Variants in FASTKD5 observed in about 807,000 individuals in gnomAD.
FASTKD5 encodes the protein non-canonical pre-mRNAs endonuclease FASTKD5, mitochondrial.
In FASTKD5, 30 loss-of-function variants were observed where a neutral mutation model predicts 44.0. The ratio of observed to expected loss-of-function variants is 0.68; its 90% CI spans 0.51 to 0.93. FASTKD5 has a LOEUF of 0.93. Among genes scored for constraint, FASTKD5 ranks in the 40% least tolerant of loss-of-function variants. FASTKD5 has a pLI of 0.00. For synonymous variants in FASTKD5, 335 were observed against 342.2 expected, an observed-to-expected ratio of 0.98 and a Z score of 0.23; for missense variants, 868 against 908.2, an observed-to-expected ratio of 0.96 and a Z score of 0.57.
Position 3,146,994 on chromosome 20 carries a change from G to C in FASTKD5, c.2077C>G (p.Pro693Ala), listed in dbSNP as rs1180936488. The change falls in exon 2 of 2, where the codon CCA becomes GCA. Residue 693 changes from proline (P) to alanine (A), a missense_variant. Pro to Ala is a conservative substitution (Grantham distance 27). Transcript: ENST00000380266. ...AACTGAACAGCCAGCTTCATTCTTG[G>C]GGTCTGCATGCAGGCTGCGGGGCAC... is the stretch of plus-strand genomic sequence containing the variant. Reference protein sequence around the residue: ...GLCPAACMQTPRMKLAVQFTN... With the variant: ...GLCPAACMQTARMKLAVQFTN... 1.9e-5 allele frequency: 31 copies of C among 1,614,010 alleles called. No individual in the cohort carries two copies. The highest frequency in any genetic ancestry group is 2.5e-5 in the Non-Finnish European group (29 of 1,180,050).
intron 1 of FASTKD5, among the ~76,000 whole-genome samples, chr20:3,151,118 G>A (rs1005605535): frequency 3.9e-5 from 6 of 151,968 alleles, no homozygotes; most frequent in Admixed American, 3.3e-4. Context: ...GCCAAGGCTG[G>A]TCTCAAACTC....
In FASTKD5 at chr20:3,149,783, C is replaced by T. The variant is rs1275956842; in HGVS notation, c.-190-523G>A. ...CTGTAATGCCAGCACTTTGGGAGGC[C>T]GAGGCAGGCAGATCACTTGAGGTCA... On this transcript the variant is annotated intron_variant, in intron 1 of 1. Transcript: ENST00000380266. The surrounding 1 kb of genome is among the most constrained non-coding windows in gnomAD (Gnocchi z 4.1). 1.3e-5 allele frequency among the ~76,000 whole-genome samples: 2 copies of T among 151,962 alleles called. No individual in the cohort carries two copies. The highest frequency in any genetic ancestry group is 2.9e-5 in the Non-Finnish European group (2 of 67,996).
intron 1 of FASTKD5, among the ~76,000 whole-genome samples, chr20:3,154,792 A>G (rs990474315): frequency 6.6e-6 from 1 of 152,194 alleles, no homozygotes; most frequent in Non-Finnish European, 1.5e-5. Flanking sequence ...TAGCCTAACC[A>G]AAAATTATGA....
At position 3,147,935 on chromosome 20, in the gene FASTKD5, T is replaced by C. The variant is rs1206049231; in HGVS notation, c.1136A>G (p.Glu379Gly). 1.2e-6 allele frequency: 2 copies of C among 1,614,212 alleles called. No homozygotes were observed. Among genetic ancestry groups the C allele is most frequent in the Non-Finnish European group, 1.7e-6 (2 of 1,180,036 alleles). The change falls in exon 2 of 2, where the codon GAG becomes GGG. Residue 379 changes from glutamate to glycine, a missense_variant. Coordinates refer to ENST00000380266, the MANE Select transcript of FASTKD5 (RefSeq NM_021826.5). ...GGAAGGAATTCGCTGAGGAGCTATCTCTCCAATCTGCTTCATGAAATTGAT... is the reference window on the plus strand; with the variant it reads ...GGAAGGAATTCGCTGAGGAGCTATCCCTCCAATCTGCTTCATGAAATTGAT... ...DHINFMKQIGEIAPQRIPSLG... is the reference protein window; with the variant it reads ...DHINFMKQIGGIAPQRIPSLG...
In FASTKD5 at chr20:3,147,813, G is replaced by A. The variant is rs755941835; in HGVS notation, c.1258C>T (p.Pro420Ser). ...TTACTTCGACAGTGTGCCACTCTAG[G>A]AGGCAAAGACGCAGCCACTGCATTC... The part of the protein sequence containing the change: ...VMNAVAASLP[P>S]RVAHCRSKDV... Residue 420 changes from proline to serine, a missense_variant, in exon 2 of 2, where the codon CCT (proline) becomes TCT (serine). By Grantham distance (74) the Pro-to-Ser change is moderately conservative (BLOSUM62 -1). Coordinates refer to ENST00000380266, the MANE Select transcript of FASTKD5 (RefSeq NM_021826.5). 5.0e-6 allele frequency: 8 copies of A among 1,614,168 alleles called. No individual in the cohort carries two copies. Among genetic ancestry groups the A allele is most frequent in the East Asian group, 2.2e-5 (1 of 44,886 alleles).
chr20:3,150,374 T>C (rs1221154611), intron 1 of FASTKD5, among the ~76,000 whole-genome samples: 1 of 152,204 alleles, frequency 6.6e-6, no homozygotes, highest in Admixed American at 6.5e-5. Flanking sequence ...CGCTGACATC[T>C]TCTGGAGAAG....
At position 3,159,860 on chromosome 20, in the gene FASTKD5, C is replaced by G. The variant is rs1051832549; in HGVS notation, c.-285G>C. The G allele has an allele frequency of 2.6e-5, 4 of 152,344 alleles. No homozygotes were observed. Among genetic ancestry groups the G allele is most frequent in the Non-Finnish European group, 5.9e-5 (4 of 68,106 alleles). The allele number at this position is 152,344 out of a possible 1,614,324, so 9.4% of individuals were successfully genotyped here. Reference sequence around the variant, plus strand: ...TGGCTCCTCCGGCGACTCCGAGCCTCACAGCCCCACTTCCGGCCAACTGCC... The same window carrying G: ...TGGCTCCTCCGGCGACTCCGAGCCTGACAGCCCCACTTCCGGCCAACTGCC... On this transcript the variant is annotated 5_prime_UTR_variant, in exon 1 of 2. Transcript: ENST00000380266.
Position 3,146,954 on chromosome 20 carries a change from T to A in FASTKD5, c.2117A>T (p.Gln706Leu), listed in dbSNP as rs773773137. 2 of 1,614,218 alleles carry A rather than the reference T, an allele frequency of 1.2e-6. No individual in the cohort carries two copies. The highest frequency in any genetic ancestry group is 2.2e-5 in the South Asian group (2 of 91,084). Reference sequence around the variant, plus strand: ...GAGATCCCTGGAGCCATAGCAATACTGGTTCCTGTTTGTGAACTGAACAGC... The same window carrying A: ...GAGATCCCTGGAGCCATAGCAATACAGGTTCCTGTTTGTGAACTGAACAGC... ...KLAVQFTNRNQYCYGSRDLLG... is the reference protein window; with the variant it reads ...KLAVQFTNRNLYCYGSRDLLG... Residue 706 changes from glutamine to leucine, a missense_variant, in exon 2 of 2, where the codon CAG becomes CTG. Gln to Leu is a moderately radical substitution (Grantham distance 113). Coordinates refer to ENST00000380266, the MANE Select transcript of FASTKD5 (RefSeq NM_021826.5).
At chr20:3,158,537 G>C (rs886983147) in intron 1 of FASTKD5, among the ~76,000 whole-genome samples, 3 of 152,052 alleles carry the variant, frequency 2.0e-5, no homozygotes, top group South Asian at 2.1e-4. Context: ...GCAGTGGCGC[G>C]ATCTCGGCTC....
intron 1 of FASTKD5, among the ~76,000 whole-genome samples, chr20:3,152,136 A>G (rs1190701891): frequency 6.6e-6 from 1 of 150,440 alleles, no homozygotes; most frequent in African/African-American, 2.5e-5. Context: ...CCAAAAAAAC[A>G]GAGATAGCAG....
At position 3,148,235 on chromosome 20, in the gene FASTKD5, G is replaced by T; in HGVS notation, c.836C>A (p.Ser279Tyr). Residue 279 changes from serine (S) to tyrosine (Y), a missense_variant, in exon 2 of 2, where the codon TCT becomes TAT. Transcript: ENST00000380266. The stretch of plus-strand genomic sequence containing the variant: ...AACATAAATTAAGTGAACTAGCTGA[G>T]ACAAGGATAGATCCTTCCAGTGCAA... Reference protein sequence around the residue: ...LNLHWKDLSLSQLVHLIYVIG... With the variant: ...LNLHWKDLSLYQLVHLIYVIG... 1 of 1,613,910 alleles carries T rather than the reference G, an allele frequency of 6.2e-7. No individual in the cohort carries two copies. Among genetic ancestry groups the T allele is most frequent in the South Asian group, 1.1e-5 (1 of 91,054 alleles).
chr20:3,147,302 A>T lies in FASTKD5; in HGVS notation c.1769T>A (p.Leu590Ter), dbSNP rs1157026683. The T allele has an allele frequency of 6.2e-7, 1 of 1,614,220 alleles. No individual in the cohort carries two copies. Among genetic ancestry groups the T allele is most frequent in the East Asian group, 2.2e-5 (1 of 44,892 alleles). Residue 590 changes from leucine (L) to a stop codon, truncating the protein, a stop_gained, in exon 2 of 2, where the codon TTA becomes TAA. Coordinates refer to ENST00000380266, the MANE Select transcript of FASTKD5 (RefSeq NM_021826.5). LOFTEE classifies it low-confidence loss of function (END_TRUNC). ...CAGGTTAACATCAAGCTGGACCTCT[A>T]AGTCAGAAGATCGGGTATGAGGCAA... ...MILPHTRSSD[L>*]EVQLDVNLKP...
intron 1 of FASTKD5, among the ~76,000 whole-genome samples, chr20:3,154,582 T>C (rs1291641422): frequency 6.6e-6 from 1 of 151,688 alleles, no homozygotes; most frequent in Non-Finnish European, 1.5e-5. Context: ...ACTCAGGAGG[T>C]AGAAGTGGGA....
chr20:3,149,626 A>G lies in FASTKD5; in HGVS notation c.-190-366T>C, dbSNP rs2066604320. Among the ~76,000 whole-genome samples, 2 of 152,236 alleles carry G rather than the reference A, an allele frequency of 1.3e-5. No homozygotes were observed. The highest frequency in any genetic ancestry group is 2.1e-4 in the South Asian group (1 of 4,832). On this transcript the variant is annotated intron_variant, in intron 1 of 1. Transcript: ENST00000380266. This position sits in a 1 kb window ranked among gnomAD's most constrained non-coding sequence, Gnocchi z 4.1. ...GGAACAAAAGTGAGCAACTCCTTCC[A>G]TCTCTTTGATATCAAGGCAAACAGG...
At chr20:3,157,303 G>A (rs2066696014) in intron 1 of FASTKD5, among the ~76,000 whole-genome samples, 1 of 152,164 alleles carries the variant, frequency 6.6e-6, no homozygotes, top group South Asian at 2.1e-4. Context: ...TACCAGTACT[G>A]CGAAGGTGAA....
chr20:3,147,900 G>A lies in FASTKD5; in HGVS notation c.1171C>T (p.Gln391Ter), dbSNP rs746991475. ...APQRIPSLGV[Q>*]GVMHLTLYCS... ...TAAAGAGTCAGGTGCATGACACCTT[G>A]AACTCCCAGGGAAGGAATTCGCTGA... The change falls in exon 2 of 2, where the codon CAA becomes TAA. Residue 391 changes from glutamine (Q) to a stop codon, truncating the protein, a stop_gained. Transcript: ENST00000380266. LOFTEE classifies it high-confidence loss of function. 6.2e-7 allele frequency: 1 copy of A among 1,614,206 alleles called. No individual in the cohort carries two copies. Among genetic ancestry groups the A allele is most frequent in the South Asian group, 1.1e-5 (1 of 91,072 alleles).
chr20:3,147,745 A>C lies in FASTKD5; in HGVS notation c.1326T>G (p.Tyr442Ter). The C allele has an allele frequency of 6.2e-7, 1 of 1,614,240 alleles. No homozygotes were observed. The highest frequency in any genetic ancestry group is 1.1e-5 in the South Asian group (1 of 91,084). ...AAAATTCTTCTGCATTGGGTGGCTTATAATTCAGAGTTCCAAATGACCACA... is the reference window on the plus strand; with the variant it reads ...AAAATTCTTCTGCATTGGGTGGCTTCTAATTCAGAGTTCCAAATGACCACA... Reference protein sequence around the residue: ...KILWSFGTLNYKPPNAEEFYS... With the variant: ...KILWSFGTLN The change falls in exon 2 of 2, where the codon TAT becomes TAG. Residue 442 changes from tyrosine to a stop codon, truncating the protein, a stop_gained. Transcript: ENST00000380266. LOFTEE classifies it high-confidence loss of function.
At chr20:3,152,035 G>A (rs991989813) in intron 1 of FASTKD5, 13 of 150,568 alleles carry the variant, frequency 8.6e-5, no homozygotes, top group African/African-American at 3.2e-4. Context: ...AACCCAGGAG[G>A]CGGAGGTTGC....
chr20:3,148,288 A>T lies in FASTKD5; in HGVS notation c.783T>A (p.Phe261Leu). The T allele has an allele frequency of 5.6e-6, 9 of 1,611,500 alleles. No homozygotes were observed. Among genetic ancestry groups the T allele is most frequent in the Non-Finnish European group, 6.8e-6 (8 of 1,179,432 alleles). ...TAAGATAACTAGAAAAAATGTTTAA[A>T]AACCTAGGTACTTTGCGGCCTAAGT... ...WRYLGRKVPRFLNIFSSYLNL... is the reference protein window; with the variant it reads ...WRYLGRKVPRLLNIFSSYLNL... The change falls in exon 2 of 2, where the codon TTT becomes TTA. Residue 261 changes from phenylalanine (F) to leucine (L), a missense_variant. By Grantham distance (22) the Phe-to-Leu change is conservative. Coordinates refer to ENST00000380266, the MANE Select transcript of FASTKD5 (RefSeq NM_021826.5).
Sources: allele counts gnomAD v4.1 joint callset (sites outside exome capture counted in the v4.1 genomes callset), GRCh38; gene constraint gnomAD v4.1.1; non-coding constraint Gnocchi (gnomAD v3.1); transcripts MANE v1.5; gene names NCBI Gene and HGNC (gene_info 2026-07-23, HGNC 2026-07-21).